Variants in ELMO1 observed in about 807,000 individuals in gnomAD.
ELMO1 encodes engulfment and cell motility 1, also known as engulfment and cell motility protein 1.
In ELMO1, 26 loss-of-function variants were observed where a neutral mutation model predicts 98.9. The ratio of observed to expected loss-of-function variants is 0.26; its 90% confidence interval spans 0.19 to 0.36. ELMO1 has a LOEUF of 0.36. ELMO1 is among the 10% of genes least tolerant of loss of function. ELMO1 has a pLI of 1.00. For synonymous variants in ELMO1, 346 were observed against 346.0 expected, an observed-to-expected ratio of 1.00 and a Z score of 0.00; for missense variants, 627 against 935.2, an observed-to-expected ratio of 0.67 and a Z score of 4.30.
intron 1 of ELMO1, among the ~76,000 whole-genome samples, chr7:37,448,309 C>T (rs548127626): frequency 5.3e-5 from 8 of 151,960 alleles, no homozygotes; most frequent in Middle Eastern, 3.4e-3. Flanking sequence ...CCGCGCCCCC[C>T]CTCCCGCAGA....
chr7:37,308,434 C>G (rs1043350044), intron 4 of ELMO1, among the ~76,000 whole-genome samples: 1 of 152,246 alleles, frequency 6.6e-6, no homozygotes, highest in African/African-American at 2.4e-5. Context: ...TTTCTCTGCA[C>G]ACCATCAATC....
chr7:36,887,453 C>T, intron 18 of ELMO1, 107 bp downstream of exon 18: 1 of 973,542 alleles, frequency 1.0e-6, no homozygotes. Context: ...GTCCTGAGTA[C>T]AATGCTGCAT....
At chr7:37,229,149 T>G (rs1248504861) in intron 8 of ELMO1, among the ~76,000 whole-genome samples, 1 of 152,202 alleles carries the variant, frequency 6.6e-6, no homozygotes, top group Non-Finnish European at 1.5e-5. Context: ...GTCCAGGCAC[T>G]GAAAACATTT....
At chr7:37,181,028 C>A (rs1165855957) in intron 13 of ELMO1, among the ~76,000 whole-genome samples, 1 of 151,932 alleles carries the variant, frequency 6.6e-6, no homozygotes, top group Admixed American at 6.6e-5. Context: ...GGTGATTGTG[C>A]AATATTATAA....
At chr7:37,110,849 C>T (rs1436309151) in intron 14 of ELMO1, among the ~76,000 whole-genome samples, 4 of 152,220 alleles carry the variant, frequency 2.6e-5, no homozygotes, top group Admixed American at 6.5e-5. Context: ...AGGATTTCCT[C>T]TCCTCCAAGC....
chr7:37,313,939 C>G (rs1216570211), intron 4 of ELMO1, among the ~76,000 whole-genome samples: 1 of 152,218 alleles, frequency 6.6e-6, no homozygotes, highest in African/African-American at 2.4e-5. Flanking sequence ...AGGGCTGTTC[C>G]TTCCCTCCCT....
intron 1 of ELMO1, among the ~76,000 whole-genome samples, chr7:37,440,805 G>A (rs1417389431): frequency 2.0e-5 from 3 of 151,676 alleles, no homozygotes; most frequent in Admixed American, 6.6e-5. Flanking sequence ...GTGGGGTGGG[G>A]AGAGTTGGAG....
chr7:36,951,942 G>C (rs1052699514), intron 16 of ELMO1, among the ~76,000 whole-genome samples: 1 of 152,198 alleles, frequency 6.6e-6, no homozygotes, highest in Admixed American at 6.5e-5. Context: ...ATGAAGGGGG[G>C]TTTAAAGGCC....
chr7:37,067,668 A>AAATTATAACTTG (rs1167766334), intron 15 of ELMO1, among the ~76,000 whole-genome samples: 2 of 152,228 alleles, frequency 1.3e-5, no homozygotes, highest in Non-Finnish European at 2.9e-5. Flanking sequence ...TAACTTTAGA[A>AAATTATAACTTG]TTATAAAATT....
chr7:37,272,854 T>G (rs1388148902), intron 4 of ELMO1, among the ~76,000 whole-genome samples: 1 of 152,196 alleles, frequency 6.6e-6, no homozygotes, highest in East Asian at 1.9e-4. Context: ...GATAAATGGT[T>G]GCCTAAGGCT....
chr7:37,270,211 G>A (rs113120178), intron 5 of ELMO1: 3 of 152,092 alleles, frequency 2.0e-5, no homozygotes, highest in East Asian at 1.9e-4. Flanking sequence ...AGACGAAAAC[G>A]CCTCAGCTCA....
At chr7:37,160,534 T>C (rs1367987165) in intron 13 of ELMO1, among the ~76,000 whole-genome samples, 2 of 152,224 alleles carry the variant, frequency 1.3e-5, no homozygotes, top group Non-Finnish European at 2.9e-5. Flanking sequence ...TGGCTTCTCA[T>C]GCTGTCAGAC....
intron 6 of ELMO1, among the ~76,000 whole-genome samples, chr7:37,247,894 A>AGTGTGTGT (rs1562551690): frequency 9.2e-6 from 1 of 108,172 alleles, no homozygotes; most frequent in African/African-American, 3.7e-5. Flanking sequence ...TTTGAAATAA[A>AGTGTGTGT]ATGTGTGTGT....
At chr7:36,890,432 C>CT (rs1463268470) in intron 17 of ELMO1, among the ~76,000 whole-genome samples, 4 of 152,280 alleles carry the variant, frequency 2.6e-5, no homozygotes, top group African/African-American at 9.6e-5. Context: ...GCTCATCTGT[C>CT]TGACTGTCTA....
At chr7:37,433,330 A>G (rs1400270671) in intron 1 of ELMO1, among the ~76,000 whole-genome samples, 1 of 152,192 alleles carries the variant, frequency 6.6e-6, no homozygotes, top group Non-Finnish European at 1.5e-5. Flanking sequence ...GGCTACTAAG[A>G]GAGAAGGACA....
rs145925436 is a variant in ELMO1, at chr7:37,133,031, T to C, written c.1191+99A>G. On this transcript the variant is annotated intron_variant, in intron 14 of 21. Coordinates refer to ENST00000310758, the MANE Select transcript of ELMO1 (RefSeq NM_014800.11). ...AGTTTACTAAGAAAGACAGAAAATA[T>C]GGGGTCACTCATCTAAAGGTAATCC... The C allele has an allele frequency of 6.7e-4, 487 of 726,838 alleles. 2 individuals carry two copies. In the African/African-American group the frequency reaches 7.6e-3, roughly 11 times the overall value. 45.0% of individuals were successfully genotyped at this position (726,838 alleles called of 1,614,324 possible). A position where few individuals can be genotyped will look rare whatever the true frequency, so the allele number is the denominator to read the frequency against.
At chr7:37,113,474 T>A (rs1785375941) in intron 14 of ELMO1, among the ~76,000 whole-genome samples, 1 of 152,204 alleles carries the variant, frequency 6.6e-6, no homozygotes, top group South Asian at 2.1e-4. Flanking sequence ...ATGAAATCAG[T>A]ACTTTATATC....
chr7:36,947,984 C>T (rs1173860615), intron 16 of ELMO1, among the ~76,000 whole-genome samples: 1 of 152,198 alleles, frequency 6.6e-6, no homozygotes, highest in Admixed American at 6.5e-5. Context: ...TAGGCAAACA[C>T]TTGTCTATCA....
At chr7:37,328,970 T>G (rs145200384) in intron 2 of ELMO1, among the ~76,000 whole-genome samples, 1 of 152,378 alleles carries the variant, frequency 6.6e-6, no homozygotes, top group Admixed American at 6.5e-5. Context: ...CTTCCCTCTC[T>G]CCTTCATATT....
Sources: gnomAD v4.1 joint callset for allele counts (sites outside exome capture counted in the v4.1 genomes callset) on GRCh38, gnomAD v4.1.1 for gene constraint, MANE v1.5 for transcripts, NCBI Gene and HGNC (gene_info 2026-07-23, HGNC 2026-07-21) for gene names.